Variants in UBR1 observed in about 807,000 individuals in gnomAD.
The protein encoded by UBR1 is E3 ubiquitin-protein ligase UBR1.
A neutral mutation model predicts 242.1 loss-of-function variants in UBR1; 102 were observed. The ratio of observed to expected loss-of-function variants is 0.42; its 90% CI spans 0.36 to 0.50. The LOEUF is 0.50. UBR1 is among the 20% of genes least tolerant of loss of function. The pLI is 0.01. For synonymous variants in UBR1, 675 were observed against 684.8 expected (o/e 0.99, Z 0.22); for missense variants, 1,772 against 2,101.8 (o/e 0.84, Z 3.07).
At chr15:42,979,309 G>A (rs1271812576) in intron 37 of UBR1, among the ~76,000 whole-genome samples, 1 of 151,510 alleles carries the variant, frequency 6.6e-6, no homozygotes, top group Non-Finnish European at 1.5e-5. Context: ...AAAGTGCTGG[G>A]ATTACAAGCA....
intron 1 of UBR1, among the ~76,000 whole-genome samples, chr15:43,099,401 T>C (rs1434898987): frequency 1.3e-5 from 2 of 152,128 alleles, no homozygotes; most frequent in African/African-American, 2.4e-5. Flanking sequence ...ATAATGATTA[T>C]TGCGTAACCA....
intron 30 of UBR1, among the ~76,000 whole-genome samples, chr15:43,004,627 T>A (rs1192009627): frequency 1.3e-5 from 2 of 152,232 alleles, no homozygotes; most frequent in Non-Finnish European, 2.9e-5. Context: ...GTGATCTGCC[T>A]GCCTCAGCCT....
intron 44 of UBR1, among the ~76,000 whole-genome samples, chr15:42,957,074 A>AT (rs1055594665): frequency 4.6e-5 from 7 of 152,040 alleles, no homozygotes; most frequent in Non-Finnish European, 8.8e-5. Flanking sequence ...GTAGATGAGT[A>AT]TTTTTTTTAG....
At chr15:43,082,575 G>C in intron 3 of UBR1, 63 bp downstream of exon 3, 1 of 1,317,320 alleles carries the variant, frequency 7.6e-7, no homozygotes, top group Non-Finnish European at 1.1e-6. Flanking sequence ...TACTACTCAA[G>C]AATTTGGACT....
chr15:43,102,699 C>T (rs141779576), intron 1 of UBR1, among the ~76,000 whole-genome samples: 20 of 152,294 alleles, frequency 1.3e-4, no homozygotes, highest in Non-Finnish European at 1.9e-4. Flanking sequence ...AATAATACCC[C>T]ATGCCATCAC....
intron 14 of UBR1, among the ~76,000 whole-genome samples, chr15:43,045,149 A>C (rs1031369794): frequency 6.6e-6 from 1 of 152,164 alleles, no homozygotes; most frequent in Admixed American, 6.5e-5. Flanking sequence ...AAATGATGAC[A>C]GGTCCATTTA....
chr15:42,976,373 T>G (rs2032287858), intron 39 of UBR1, among the ~76,000 whole-genome samples: 1 of 152,044 alleles, frequency 6.6e-6, no homozygotes, highest in Non-Finnish European at 1.5e-5. Context: ...GCTGAAGGAA[T>G]TAAGAATGGT....
At position 42,978,517 on chromosome 15, in the gene UBR1, A is replaced by G. The variant is rs376056619; in HGVS notation, c.4151-570T>C. 5.3e-5 allele frequency among the ~76,000 whole-genome samples: 8 copies of G among 152,330 alleles called. No homozygotes were observed. The East Asian group carries it at 5.8e-4, about 11-fold the overall frequency. Reference sequence around the variant, plus strand: ...GTGCCTAAGGAAAAGCTGTAATTCCAAAAGTGAGAGCAAGAGTGGCAAAGA... The same window carrying G: ...GTGCCTAAGGAAAAGCTGTAATTCCGAAAGTGAGAGCAAGAGTGGCAAAGA... On this transcript the variant is annotated intron_variant, in intron 37 of 46. Transcript: ENST00000290650.
intron 33 of UBR1, among the ~76,000 whole-genome samples, chr15:42,997,427 C>G (rs1007048181): frequency 2.0e-5 from 3 of 152,094 alleles, no homozygotes; most frequent in African/African-American, 7.2e-5. Flanking sequence ...CCAAAACCAT[C>G]CCCCTCATCC....
intron 43 of UBR1, among the ~76,000 whole-genome samples, chr15:42,959,039 C>A (rs1202898892): frequency 6.6e-6 from 1 of 152,084 alleles, no homozygotes; most frequent in African/African-American, 2.4e-5. Flanking sequence ...TCATGTTGGT[C>A]AGGCTGGTCT....
intron 30 of UBR1, among the ~76,000 whole-genome samples, chr15:43,005,950 C>T (rs1242545712): frequency 2.0e-5 from 3 of 149,786 alleles, no homozygotes; most frequent in Admixed American, 6.7e-5. Flanking sequence ...ACAAACACTG[C>T]GGAAGGCCGC....
At chr15:42,946,985 T>G (rs1215270017) in intron 46 of UBR1, among the ~76,000 whole-genome samples, 2 of 151,978 alleles carry the variant, frequency 1.3e-5, no homozygotes, top group Non-Finnish European at 2.9e-5. Flanking sequence ...CCGTCACTAC[T>G]AAAAATACAA....
At chr15:43,041,298 A>G (rs1191948442) in intron 15 of UBR1, among the ~76,000 whole-genome samples, 1 of 152,218 alleles carries the variant, frequency 6.6e-6, no homozygotes, top group African/African-American at 2.4e-5. Flanking sequence ...TTGTAGGGAC[A>G]TGAATGAAGC....
At chr15:43,019,708 G>C (rs1220623493) in intron 27 of UBR1, among the ~76,000 whole-genome samples, 1 of 145,978 alleles carries the variant, frequency 6.9e-6, no homozygotes, top group East Asian at 2.1e-4. Context: ...TCAGCCTCCT[G>C]AGTAGCTGGG....
intron 33 of UBR1, among the ~76,000 whole-genome samples, chr15:42,996,234 C>T (rs2032636297): frequency 6.6e-6 from 1 of 152,152 alleles, no homozygotes; most frequent in African/African-American, 2.4e-5. Flanking sequence ...GCTATTTCCT[C>T]TTGTATCATT....
At position 43,032,642 on chromosome 15, in the gene UBR1, GA is replaced by G; in HGVS notation, c.2191-12del. On this transcript the variant is annotated splice_polypyrimidine_tract_variant and intron_variant, in intron 19 of 46. Coordinates refer to ENST00000290650, the MANE Select transcript of UBR1 (RefSeq NM_174916.3). ...TTGTTTAATCAAATCCTATAGAATC[GA>G]AAAAGAGTAAATTAGTTATGGAAGA... 1 of 1,475,386 alleles carries G rather than the reference GA, an allele frequency of 6.8e-7. No individual in the cohort carries two copies. The highest frequency in any genetic ancestry group is 9.4e-7 in the Non-Finnish European group (1 of 1,066,758). 91.4% of individuals were successfully genotyped at this position (1,475,386 alleles called of 1,614,324 possible).
intron 42 of UBR1, among the ~76,000 whole-genome samples, chr15:42,962,816 C>A (rs975198197): frequency 6.6e-6 from 1 of 152,052 alleles, no homozygotes; most frequent in Non-Finnish European, 1.5e-5. Flanking sequence ...TTTTTCCTGG[C>A]CACCAAAATC....
chr15:42,964,098 T>A lies in UBR1; in HGVS notation c.4592-55A>T, dbSNP rs1324405735. ...GCACATTATTCTTACCTGGTCAATC[T>A]GTGCATTAGAGTTTCTTCACTGTTT... On this transcript the variant is annotated intron_variant, in intron 41 of 46. Transcript: ENST00000290650. 6 of 1,204,660 alleles carry A rather than the reference T, an allele frequency of 5.0e-6. No homozygotes were observed. The Admixed American group carries it at 1.1e-4, about 22-fold the overall frequency. 74.6% of individuals were successfully genotyped at this position (1,204,660 alleles called of 1,614,324 possible).
At chr15:42,949,290 GA>G (rs1332005134) in intron 46 of UBR1, among the ~76,000 whole-genome samples, 1 of 95,776 alleles carries the variant, frequency 1.0e-5, no homozygotes, top group African/African-American at 4.1e-5. Context: ...GGGGTGGGGG[GA>G]GGGGGGAGGG....
Sources: gnomAD v4.1 joint callset for allele counts (sites outside exome capture counted in the v4.1 genomes callset) on GRCh38, gnomAD v4.1.1 for gene constraint, MANE v1.5 for transcripts, NCBI Gene and HGNC (gene_info 2026-07-23, HGNC 2026-07-21) for gene names.